Variants in ZNF496 observed in about 807,000 individuals in gnomAD.
ZNF496 encodes the protein NSD1 (nuclear receptor binding SET-domain containing 1)-interacting zinc finger protein 1.
Under a neutral mutation model 58.9 loss-of-function variants are expected in ZNF496, and 11 were observed. The observed-to-expected ratio is 0.19, with a 90% confidence interval of 0.12 to 0.31. The LOEUF is 0.31. ZNF496 is among the 10% of genes least tolerant of loss of function. The probability of loss-of-function intolerance (pLI) is 1.00; values close to 1 mark genes in which losing one functional copy is unlikely to be tolerated. For missense variants in ZNF496, 660 were observed against 783.0 expected, an observed-to-expected ratio of 0.84 and a Z score of 1.88; for synonymous variants, 338 against 318.2, an observed-to-expected ratio of 1.06 and a Z score of -0.66.
intron 6 of ZNF496, chr1:247,310,897 T>C (rs1659578510): frequency 6.4e-6 from 1 of 156,732 alleles, no homozygotes; most frequent in Admixed American, 6.2e-5. Context: ...CCCAAATTCA[T>C]ATCCTTTTCA....
chr1:247,324,084 A>AT (rs1660042999), intron 5 of ZNF496, among the ~76,000 whole-genome samples: 1 of 151,806 alleles, frequency 6.6e-6, no homozygotes, highest in Non-Finnish European at 1.5e-5. Context: ...CAAATGAAAA[A>AT]AAAAAAAAAA....
At chr1:247,324,112 G>C (rs191728233) in intron 5 of ZNF496, among the ~76,000 whole-genome samples, 1 of 151,644 alleles carries the variant, frequency 6.6e-6, no homozygotes, top group Non-Finnish European at 1.5e-5. Context: ...AGGGCTGTTG[G>C]CAATCAGAAT....
Position 247,305,821 on chromosome 1 carries a change from A to C in ZNF496, c.1006+2654T>G, listed in dbSNP as rs78336970. Among the ~76,000 whole-genome samples, 597 of 152,364 alleles carry C rather than the reference A, an allele frequency of 3.9e-3. 14 individuals carry two copies. The highest frequency in any genetic ancestry group is 0.029 in the East Asian group (148 of 5,190). Reference sequence around the variant, plus strand: ...GCCAGGCATGATGGCACACGCCTGTAGTCTCCCCAGCTATTTGGGAAGCCA... The same window carrying C: ...GCCAGGCATGATGGCACACGCCTGTCGTCTCCCCAGCTATTTGGGAAGCCA... On this transcript the variant is annotated intron_variant, in intron 9 of 9. Coordinates refer to ENST00000682384, the MANE Select transcript of ZNF496 (RefSeq NM_032752.3).
Position 247,301,232 on chromosome 1 carries a change from C to T in ZNF496, c.1051G>A (p.Val351Met), listed in dbSNP as rs80003675. 1 of 1,534,764 alleles carries T rather than the reference C, an allele frequency of 6.5e-7. No individual in the cohort carries two copies. Among genetic ancestry groups the T allele is most frequent in the East Asian group, 2.3e-5 (1 of 44,228 alleles). ...RSLENSLDEE[V>M]TIEIVLSSSG... ...CTGGAGAGAACGATCTCGATGGTCA[C>T]TTCTTCATCCAGGCTGTTCTCTAGA... The change falls in exon 10 of 10, where the codon GTG (valine) becomes ATG (methionine). Residue 351 changes from valine (V) to methionine (M), a missense_variant. Physicochemically the swap from Val to Met is conservative, Grantham distance 21. Transcript: ENST00000682384.
chr1:247,317,041 C>A (rs187305392), intron 6 of ZNF496, among the ~76,000 whole-genome samples: 154 of 152,200 alleles, frequency 1.0e-3, no homozygotes, highest in Non-Finnish European at 1.5e-3. Context: ...TAATTTTTCA[C>A]GAGAAGGGAT....
rs1659121415 is a variant in ZNF496 at position 247,297,503 on chromosome 1, G to A, written c.*3016C>T. On this transcript the variant is annotated 3_prime_UTR_variant, in exon 10 of 10. Transcript: ENST00000682384. ...CAAAGAGAGAGGATGTTGCTCAGAT[G>A]GGGGTCTCAACCTCCAGAGCAAGGT... The A allele has an allele frequency of 6.6e-6, 1 of 152,238 alleles. No homozygotes were observed. The highest frequency in any genetic ancestry group is 2.4e-5 in the African/African-American group (1 of 41,462). 9.4% of individuals were successfully genotyped at this position (152,238 alleles called of 1,614,324 possible).
intron 5 of ZNF496, among the ~76,000 whole-genome samples, chr1:247,325,117 C>T (rs964901115): frequency 2.0e-5 from 3 of 152,236 alleles, no homozygotes; most frequent in African/African-American, 7.2e-5. Context: ...AGGCCAGTGT[C>T]CCTGGCCTTT....
In ZNF496 at chr1:247,301,044, T is replaced by C. The variant is rs764089917; in HGVS notation, c.1239A>G (p.Lys413=). Residue 413 remains lysine, a synonymous_variant, in exon 10 of 10, where the codon AAA becomes AAG. Transcript: ENST00000682384. ...TGAAGTTGACCCTCCAGCGGAAGAT[T>C]TTCCCACAGTTCGGACACACGTAGG... ...KKSYVCPNCG[K]IFRWRVNFIR... 1 of 1,613,664 alleles carries C rather than the reference T, an allele frequency of 6.2e-7. No homozygotes were observed. The highest frequency in any genetic ancestry group is 1.1e-5 in the South Asian group (1 of 91,088).
rs751115787 is a variant in ZNF496 at position 247,309,836 on chromosome 1, T to C, written c.785-30A>G. ...TCAAAGAAAAAGGCAGGGTACATGT[T>C]TATTAGTAATCTGATCCTGCAGCAA... On this transcript the variant is annotated intron_variant, in intron 7 of 9. Coordinates refer to ENST00000682384, the MANE Select transcript of ZNF496 (RefSeq NM_032752.3). This position sits in a 1 kb window ranked among gnomAD's most constrained non-coding sequence, Gnocchi z 4.3. 6.2e-7 allele frequency: 1 copy of C among 1,610,816 alleles called. No individual in the cohort carries two copies. The highest frequency in any genetic ancestry group is 1.3e-5 in the African/African-American group (1 of 74,796).
In ZNF496 at chr1:247,314,837, C is replaced by T. The variant is rs189303810; in HGVS notation, c.652-4381G>A. ...TCTTGGCTCACGGCAACCGCTGCTT[C>T]CCAGGTTCAAATGATTTTTGGGCCT... On this transcript the variant is annotated intron_variant, in intron 6 of 9. Transcript: ENST00000682384. Among the ~76,000 whole-genome samples the T allele has an allele frequency of 6.8e-4, 104 of 152,222 alleles. 1 individual carries two copies. Among genetic ancestry groups the T allele is most frequent in the African/African-American group, 2.4e-3 (101 of 41,544 alleles).
chr1:247,301,397 G>A, intron 9 of ZNF496, 121 bp from the exon 10 acceptor site: 1 of 1,342,702 alleles, frequency 7.4e-7, no homozygotes, highest in Non-Finnish European at 9.8e-7. Flanking sequence ...ATGGTCCTCG[G>A]TGACCGGGGC....
At chr1:247,319,059 G>A (rs538387796) in intron 6 of ZNF496, among the ~76,000 whole-genome samples, 1 of 152,312 alleles carries the variant, frequency 6.6e-6, no homozygotes, top group East Asian at 1.9e-4. Flanking sequence ...AGCTTACTAT[G>A]CAGCCTCAAC....
intron 6 of ZNF496, among the ~76,000 whole-genome samples, chr1:247,319,432 C>T (rs986794327): frequency 2.6e-5 from 4 of 152,018 alleles, no homozygotes; most frequent in African/African-American, 9.7e-5. Context: ...CTAGGTAAAT[C>T]GAAATGGAAT....
chr1:247,326,014 A>ATG (rs1273171110), intron 5 of ZNF496, among the ~76,000 whole-genome samples: 1 of 149,902 alleles, frequency 6.7e-6, no homozygotes, highest in African/African-American at 2.5e-5. Context: ...GCTGAGACAT[A>ATG]TGTATATATA....
Position 247,308,444 on chromosome 1 carries a change from A to G in ZNF496, c.1006+31T>C. The G allele has an allele frequency of 6.3e-7, 1 of 1,596,460 alleles. No homozygotes were observed. On this transcript the variant is annotated intron_variant, in intron 9 of 9. Transcript: ENST00000682384. The surrounding 1 kb of genome is among the most constrained non-coding windows in gnomAD (Gnocchi z 4.5). ...TGCGACACACCACAGACACACAGGG[A>G]CAAACCCATACCTCCCTGACCCTTC...
intron 5 of ZNF496, among the ~76,000 whole-genome samples, chr1:247,328,169 A>G (rs1660197597): frequency 6.6e-6 from 1 of 152,110 alleles, no homozygotes. Flanking sequence ...ACATACTCAA[A>G]CTATGTGTAG....
intron 6 of ZNF496, chr1:247,322,903 C>A: frequency 1.2e-6 from 1 of 867,210 alleles, no homozygotes; most frequent in Non-Finnish European, 1.7e-6. Flanking sequence ...CCTTTGTTTC[C>A]TGCTATCGTC....
chr1:247,306,609 C>G (rs1659421518), intron 9 of ZNF496, among the ~76,000 whole-genome samples: 1 of 150,812 alleles, frequency 6.6e-6, no homozygotes, highest in Non-Finnish European at 1.5e-5. Context: ...TCAAGCGATT[C>G]TCCTGCCTGA....
At chr1:247,301,759 A>G (rs1283424477) in intron 9 of ZNF496, among the ~76,000 whole-genome samples, 1 of 152,178 alleles carries the variant, frequency 6.6e-6, no homozygotes, top group Non-Finnish European at 1.5e-5. Context: ...ACTGTGCTAG[A>G]CTTGACATGC....
Sources: gnomAD v4.1 joint callset for allele counts (sites outside exome capture counted in the v4.1 genomes callset) on GRCh38, gnomAD v4.1.1 for gene constraint, Gnocchi (gnomAD v3.1) non-coding constraint, MANE v1.5 for transcripts, NCBI Gene and HGNC (gene_info 2026-07-23, HGNC 2026-07-21) for gene names.